Variants in PLCB4 observed in about 807,000 individuals in gnomAD.
PLCB4 encodes phospholipase C beta 4.
Under a neutral mutation model 178.8 loss-of-function variants are expected in PLCB4, and 77 were observed. The observed-to-expected ratio is 0.43, with a 90% CI of 0.36 to 0.52. The LOEUF is 0.52. Among genes scored for constraint, PLCB4 ranks in the 20% least tolerant of loss-of-function variants. The pLI is 0.00. For missense variants in PLCB4, 1,024 were observed against 1,453.4 expected (o/e 0.70, Z 4.80); for synonymous variants, 496 against 490.8 (o/e 1.01, Z -0.14).
chr20:9,353,611 T>C (rs1358044460), intron 7 of PLCB4, among the ~76,000 whole-genome samples: 1 of 152,252 alleles, frequency 6.6e-6, no homozygotes, highest in Non-Finnish European at 1.5e-5. Context: ...AATGTTCATT[T>C]GTCAAGTCCT....
At chr20:9,169,843 T>C (rs543466927) in intron 2 of PLCB4, among the ~76,000 whole-genome samples, 6 of 152,304 alleles carry the variant, frequency 3.9e-5, no homozygotes, top group Admixed American at 3.3e-4. Flanking sequence ...ATGAACACTT[T>C]ATTGCCTTTA....
At chr20:9,218,032 A>G (rs1160260784) in intron 3 of PLCB4, among the ~76,000 whole-genome samples, 1 of 152,226 alleles carries the variant, frequency 6.6e-6, no homozygotes, top group Non-Finnish European at 1.5e-5. Context: ...GTAACTTGCC[A>G]ATACTTGTAT....
chr20:9,285,143 T>A (rs918195091), intron 3 of PLCB4, among the ~76,000 whole-genome samples: 1 of 151,794 alleles, frequency 6.6e-6, no homozygotes, highest in Non-Finnish European at 1.5e-5. Context: ...TTTTTTAAAT[T>A]TGTTACAAAA....
At chr20:9,441,639 G>A (rs755521445) in intron 30 of PLCB4, among the ~76,000 whole-genome samples, 3 of 152,152 alleles carry the variant, frequency 2.0e-5, no homozygotes, top group Admixed American at 6.5e-5. Context: ...ATACTTCTCA[G>A]AGGTCTCCTC....
At chr20:9,392,203 A>C (rs1229335488) in intron 17 of PLCB4, among the ~76,000 whole-genome samples, 1 of 152,318 alleles carries the variant, frequency 6.6e-6, no homozygotes, top group Non-Finnish European at 1.5e-5. Context: ...ATCTTGAACA[A>C]AGAATCGGAC....
chr20:9,384,535 G>A, intron 14 of PLCB4, 124 bp downstream of exon 14: 1 of 679,524 alleles, frequency 1.5e-6, no homozygotes, highest in Middle Eastern at 3.9e-4. Context: ...CCCTTTAATG[G>A]ATTATCATGG....
At chr20:9,082,311 G>A (rs2090191558) in intron 1 of PLCB4, among the ~76,000 whole-genome samples, 1 of 152,130 alleles carries the variant, frequency 6.6e-6, no homozygotes, top group Admixed American at 6.5e-5. Context: ...TAATTGAAGG[G>A]AAATATTCTG....
Position 9,270,045 on chromosome 20 carries a change from C to T in PLCB4, c.-15-37755C>T, listed in dbSNP as rs888618576. 2.0e-5 allele frequency among the ~76,000 whole-genome samples: 3 copies of T among 152,122 alleles called. No homozygotes were observed. The East Asian group carries it at 5.8e-4, about 29-fold the overall frequency. ...GGCAATATACAGACAATCCATAGTA[C>T]ATAATACAGTATTAAAAAAATGGGT... On this transcript the variant is annotated intron_variant, in intron 3 of 39. Coordinates refer to ENST00000378473, the MANE Select transcript of PLCB4 (RefSeq NM_001377142.1).
At position 9,479,360 on chromosome 20, in the gene PLCB4, A is replaced by T; in HGVS notation, c.*351A>T. 1 of 191,842 alleles carries T rather than the reference A, an allele frequency of 5.2e-6. No homozygotes were observed. 11.9% of individuals were successfully genotyped at this position (191,842 alleles called of 1,614,324 possible). On this transcript the variant is annotated 3_prime_UTR_variant, in exon 40 of 40. Coordinates refer to ENST00000378473, the MANE Select transcript of PLCB4 (RefSeq NM_001377142.1). ...TTAGGACATGTTTGAACTGCAGCAA[A>T]AAACAAAAACAAAAAACAGTGCATT...
intron 12 of PLCB4, among the ~76,000 whole-genome samples, chr20:9,379,595 G>T (rs1044968641): frequency 2.0e-5 from 3 of 152,116 alleles, no homozygotes; most frequent in African/African-American, 7.2e-5. Flanking sequence ...GTAACATTAG[G>T]CTTTTTGTTG....
intron 3 of PLCB4, among the ~76,000 whole-genome samples, chr20:9,296,063 A>G (rs549606297): frequency 5.6e-4 from 86 of 152,358 alleles, no homozygotes; most frequent in Non-Finnish European, 1.0e-3. Context: ...CATCAAAGTG[A>G]ACAGGCAACC....
intron 2 of PLCB4, among the ~76,000 whole-genome samples, chr20:9,108,751 G>A (rs533010977): frequency 6.6e-6 from 1 of 151,832 alleles, no homozygotes; most frequent in South Asian, 2.1e-4. Flanking sequence ...TACATGTCCT[G>A]TCAGATAGTT....
intron 3 of PLCB4, among the ~76,000 whole-genome samples, chr20:9,256,202 C>T (rs1254231366): frequency 6.6e-6 from 1 of 152,140 alleles, no homozygotes; most frequent in East Asian, 1.9e-4. Context: ...TTTGTTGTCC[C>T]TTGTAACAAG....
intron 38 of PLCB4, 105 bp from the exon 39 acceptor site, chr20:9,476,612 G>A (rs926140822): frequency 1.1e-5 from 9 of 790,774 alleles, no homozygotes; most frequent in Non-Finnish European, 2.0e-5. Flanking sequence ...TTGCTTTTCT[G>A]TATATGGTTT....
At chr20:9,463,423 C>T (rs188375032) in intron 35 of PLCB4, among the ~76,000 whole-genome samples, 213 of 151,902 alleles carry the variant, frequency 1.4e-3, no homozygotes, top group Non-Finnish European at 2.5e-3. Flanking sequence ...ACAATATTAA[C>T]CTTAAATGTA....
At chr20:9,442,878 A>T (rs2042193766) in intron 30 of PLCB4, among the ~76,000 whole-genome samples, 1 of 152,198 alleles carries the variant, frequency 6.6e-6, no homozygotes, top group Non-Finnish European at 1.5e-5. Flanking sequence ...GAATGTGCAC[A>T]TCTTAAAATG....
chr20:9,411,047 G>A lies in PLCB4; in HGVS notation c.2010G>A (p.Met670Ile), dbSNP rs746394178. 6.2e-7 allele frequency: 1 copy of A among 1,610,898 alleles called. No homozygotes were observed. The stretch of plus-strand genomic sequence containing the variant: ...TTTGTCTCTTGACAGATTTAGCGAT[G>A]CAATTGAATCAGGGAAAATTTGAGT... ...SLNYQTPDLAMQLNQGKFEYN... is the reference protein window; with the variant it reads ...SLNYQTPDLAIQLNQGKFEYN... Residue 670 changes from methionine to isoleucine, a missense_variant, in exon 25 of 40, where the codon ATG becomes ATA. This residue lies in a region of PLCB4 where 227 missense variants were observed against 374.3 expected (regional missense o/e 0.61). Coordinates refer to ENST00000378473, the MANE Select transcript of PLCB4 (RefSeq NM_001377142.1).
chr20:9,325,997 G>A (rs60569997), intron 4 of PLCB4, among the ~76,000 whole-genome samples: 7,483 of 152,114 alleles, frequency 0.049, 536 homozygotes, highest in East Asian at 0.28. Flanking sequence ...AAGATGACAC[G>A]TTCTTGCTGT....
chr20:9,314,980 T>C (rs2094882632), intron 4 of PLCB4, among the ~76,000 whole-genome samples: 1 of 151,962 alleles, frequency 6.6e-6, no homozygotes, highest in South Asian at 2.1e-4. Flanking sequence ...CAAGCAATTC[T>C]CCTGCCTCAG....
Sources: allele counts gnomAD v4.1 joint callset (sites outside exome capture counted in the v4.1 genomes callset), GRCh38; gene constraint gnomAD v4.1.1; regional missense constraint gnomAD v4.1.1; transcripts MANE v1.5; gene names NCBI Gene and HGNC (gene_info 2026-07-23, HGNC 2026-07-21).